The following RABGEF1 variants were observed in gnomAD, a reference collection of about 807,000 sequenced individuals.
RABGEF1 encodes rab5 GDP/GTP exchange factor.
Under a neutral mutation model 57.3 loss-of-function variants are expected in RABGEF1, and 26 were observed. That is an observed-to-expected ratio of 0.45 (90% confidence interval 0.33 to 0.63). The LOEUF (loss-of-function observed/expected upper bound fraction) is 0.63. Among genes scored for constraint, RABGEF1 ranks in the 20% least tolerant of loss-of-function variants. The pLI is 0.02. For missense variants in RABGEF1, 464 were observed against 607.6 expected (o/e 0.76, Z 2.48); for synonymous variants, 185 against 210.7 (o/e 0.88, Z 1.06).
intron 3 of RABGEF1, among the ~76,000 whole-genome samples, chr7:66,778,877 A>C (rs1044096165): frequency 6.6e-6 from 1 of 152,166 alleles, no homozygotes; most frequent in Non-Finnish European, 1.5e-5. Context: ...GCACTTTGGG[A>C]GACCAAGGCA....
At chr7:66,762,618 G>T (rs570815088) in intron 1 of RABGEF1, among the ~76,000 whole-genome samples, 1 of 152,126 alleles carries the variant, frequency 6.6e-6, no homozygotes, top group Admixed American at 6.5e-5. Context: ...AGAAAAAAAA[G>T]AAATAGGACA....
At chr7:66,745,480 C>G (rs1413390306) in intron 1 of RABGEF1, among the ~76,000 whole-genome samples, 3 of 151,916 alleles carry the variant, frequency 2.0e-5, no homozygotes, top group African/African-American at 7.3e-5. Context: ...AGTTATCACA[C>G]CATAGGCTGG....
chr7:66,771,820 T>A, intron 1 of RABGEF1, 63 bp from the exon 2 acceptor site: 1 of 1,224,924 alleles, frequency 8.2e-7, no homozygotes, highest in Non-Finnish European at 1.1e-6. Flanking sequence ...TTGTTCATAA[T>A]TGGTAAGATT....
At chr7:66,676,363 C>G in the RABGEF1 span, among the ~76,000 whole-genome samples, 111 of 152,270 alleles carry the variant, frequency 7.3e-4, no homozygotes, top group Non-Finnish European at 1.1e-3. Context: ...AGGATGCCCA[C>G]ATATACCAAA....
At position 66,809,884 on chromosome 7, in the gene RABGEF1, C is replaced by T. The variant is rs916876858; in HGVS notation, c.*600C>T. 6.6e-6 allele frequency: 1 copy of T among 152,602 alleles called. No individual in the cohort carries two copies. The highest frequency in any genetic ancestry group is 6.6e-5 in the Admixed American group (1 of 15,262). 9.5% of individuals were successfully genotyped at this position (152,602 alleles called of 1,614,324 possible). A position where few individuals can be genotyped will look rare whatever the true frequency, so the allele number is the denominator to read the frequency against. ...CTCGAGAAGTGTTTAGACAAACTCC[C>T]CTTAAGATGTGCACTCCATCTTTAA... On this transcript the variant is annotated 3_prime_UTR_variant, in exon 9 of 9. Coordinates refer to ENST00000284957, the MANE Select transcript of RABGEF1 (RefSeq NM_014504.3).
At chr7:66,726,280 C>G (rs1282936429) in intron 2 of RABGEF1, among the ~76,000 whole-genome samples, 1 of 152,206 alleles carries the variant, frequency 6.6e-6, no homozygotes, top group Non-Finnish European at 1.5e-5. Flanking sequence ...CTTCCTGTAG[C>G]TGGGGCCTCT....
intron 1 of RABGEF1, among the ~76,000 whole-genome samples, chr7:66,751,818 A>G (rs926157254): frequency 6.6e-6 from 1 of 152,222 alleles, no homozygotes; most frequent in Non-Finnish European, 1.5e-5. Context: ...GTGTGGCTAT[A>G]GAATTTGGAT....
upstream of RABGEF1, among the ~76,000 whole-genome samples, chr7:66,736,680 G>A (rs1441309807): frequency 6.6e-6 from 1 of 152,092 alleles, no homozygotes; most frequent in East Asian, 1.9e-4. Flanking sequence ...CTACAACATG[G>A]TGAAACCCCA....
chr7:66,739,641 G>C (rs1798497725), upstream of RABGEF1, among the ~76,000 whole-genome samples: 1 of 129,098 alleles, frequency 7.7e-6, no homozygotes, highest in Non-Finnish European at 1.6e-5. Context: ...CAGTGTGGGC[G>C]ACAGAGTGAG....
At chr7:66,785,332 G>A (rs1310041662) in intron 4 of RABGEF1, among the ~76,000 whole-genome samples, 1 of 152,182 alleles carries the variant, frequency 6.6e-6, no homozygotes, top group Admixed American at 6.5e-5. Context: ...TGGTTAGGTG[G>A]CCAAGTCCTA....
intron 1 of RABGEF1, among the ~76,000 whole-genome samples, chr7:66,760,075 A>G (rs1803878679): frequency 6.6e-6 from 1 of 152,326 alleles, no homozygotes; most frequent in East Asian, 1.9e-4. Context: ...GGAGCTGACC[A>G]AGGGCCAGTC....
intron 2 of RABGEF1, among the ~76,000 whole-genome samples, chr7:66,730,947 G>T (rs566557324): frequency 6.6e-6 from 1 of 152,194 alleles, no homozygotes; most frequent in Non-Finnish European, 1.5e-5. Context: ...TGGCAGGGGT[G>T]GGGTGGATTC....
intron 1 of RABGEF1, among the ~76,000 whole-genome samples, chr7:66,700,448 C>G (rs1452068992): frequency 4.9e-5 from 6 of 123,046 alleles, no homozygotes; most frequent in Non-Finnish European, 1.0e-4. Context: ...GCCACAGCCC[C>G]AGGACCTGGA....
chr7:66,797,223 G>A (rs974661207), intron 5 of RABGEF1, 151 bp from the exon 6 acceptor site: 3 of 685,182 alleles, frequency 4.4e-6, no homozygotes, highest in East Asian at 3.5e-5. Context: ...AGAATGGCTC[G>A]AGCCCAGGAG....
chr7:66,773,641 C>A, intron 2 of RABGEF1: 1 of 453,520 alleles, frequency 2.2e-6, no homozygotes, highest in Non-Finnish European at 4.4e-6. Flanking sequence ...AAATCATTGT[C>A]TTTTAGATAG....
chr7:66,680,486 C>T (rs187010660), upstream of RABGEF1, among the ~76,000 whole-genome samples: 6 of 151,460 alleles, frequency 4.0e-5, no homozygotes, highest in East Asian at 1.9e-4. Context: ...TCAGGTGATC[C>T]GCCCGCCTCT....
chr7:66,789,736 GTAAAAA>G (rs953256566), intron 4 of RABGEF1, among the ~76,000 whole-genome samples: 1 of 143,092 alleles, frequency 7.0e-6, no homozygotes, highest in African/African-American at 2.5e-5. Context: ...TGTTGAGTGA[GTAAAAA>G]TAATTAAAAA....
chr7:66,694,592 G>A (rs576788418), intron 1 of RABGEF1, among the ~76,000 whole-genome samples: 1 of 152,358 alleles, frequency 6.6e-6, no homozygotes, highest in South Asian at 2.1e-4. Context: ...TCCCTATGGA[G>A]AACCAGCTGG....
the RABGEF1 span, among the ~76,000 whole-genome samples, chr7:66,655,581 G>A: frequency 1.3e-5 from 2 of 152,122 alleles, no homozygotes; most frequent in Non-Finnish European, 2.9e-5. Flanking sequence ...TGTTACCCAT[G>A]CAGGTGTCAA....
Sources: gnomAD v4.1 joint callset for allele counts (sites outside exome capture counted in the v4.1 genomes callset) on GRCh38, gnomAD v4.1.1 for gene constraint, MANE v1.5 for transcripts, NCBI Gene and HGNC (gene_info 2026-07-23, HGNC 2026-07-21) for gene names.